ZNF415: variants seen among roughly 807,000 people sequenced by gnomAD.
ZNF415 encodes zinc finger protein 415.
Under a neutral mutation model 7.3 loss-of-function variants are expected in ZNF415, and 5 were observed. The ratio of observed to expected loss-of-function variants is 0.69; its 90% CI spans 0.36 to 1.44. The LOEUF is 1.44. Among genes scored for constraint, ZNF415 ranks in the 40% most tolerant of loss-of-function variants. The probability of loss-of-function intolerance (pLI) is 0.04; values close to 1 mark genes in which losing one functional copy is unlikely to be tolerated. For synonymous variants in ZNF415, 207 were observed against 226.3 expected (o/e 0.91, Z 0.77); for missense variants, 628 against 664.8 (o/e 0.94, Z 0.61).
intron 3 of ZNF415, among the ~76,000 whole-genome samples, chr19:53,112,270 C>T (rs1288016288): frequency 6.6e-6 from 1 of 152,050 alleles, no homozygotes; most frequent in Admixed American, 6.6e-5. Flanking sequence ...AGCACATGTC[C>T]ACCCACAGGC....
chr19:53,127,881 AAAAAAAAAG>A (rs1198529779), intron 1 of ZNF415, among the ~76,000 whole-genome samples: 6 of 149,730 alleles, frequency 4.0e-5, no homozygotes, highest in Non-Finnish European at 6.0e-5. Flanking sequence ...GTCTCAAAAA[AAAAAAAAAG>A]AAAAAGAAAA....
In ZNF415 at chr19:53,122,698, C is replaced by G; in HGVS notation, c.-22G>C. ...CCATTCCTGACTCCTTTGCTCTCCT[C>G]TTCTGGGTTTCTTCCTCATGTGCCA... On this transcript the variant is annotated 5_prime_UTR_variant, in exon 2 of 4. Transcript: ENST00000243643. 1 of 1,614,166 alleles carries G rather than the reference C, an allele frequency of 6.2e-7. No individual in the cohort carries two copies. The highest frequency in any genetic ancestry group is 8.5e-7 in the Non-Finnish European group (1 of 1,180,016).
In ZNF415 at chr19:53,108,519, G is replaced by C; in HGVS notation, c.1526C>G (p.Pro509Arg). Residue 509 changes from proline (P) to arginine (R), a missense_variant, in exon 4 of 4, where the codon CCA becomes CGA. Pro to Arg is a moderately radical substitution (Grantham distance 103). Coordinates refer to ENST00000243643, the MANE Select transcript of ZNF415 (RefSeq NM_018355.4). ...NECGKSFSVRPNLTRHQIIHT... is the reference protein window; with the variant it reads ...NECGKSFSVRRNLTRHQIIHT... ...GATTATCTGATGTCTAGTGAGGTTT[G>C]GGCGCACACTAAAGGATTTGCCACA... The C allele has an allele frequency of 6.2e-7, 1 of 1,614,100 alleles. No homozygotes were observed. Among genetic ancestry groups the C allele is most frequent in the Non-Finnish European group, 8.5e-7 (1 of 1,179,972 alleles).
chr19:53,109,119 A>C lies in ZNF415; in HGVS notation c.926T>G (p.Phe309Cys), dbSNP rs761939465. 16 of 1,613,936 alleles carry C rather than the reference A, an allele frequency of 9.9e-6. No homozygotes were observed. The African/African-American group carries it at 2.1e-4, about 22-fold the overall frequency. ...TAGTGCAAGGCATGAATTTCGACTG[A>C]AGACCTTGTCACACTCATAACATTT... ...PYKCYECDKV[F>C]SRNSCLALHQ... is the part of the protein sequence containing the mutation. Residue 309 changes from phenylalanine (F) to cysteine (C), a missense_variant, in exon 4 of 4, where the codon TTC (phenylalanine) becomes TGC (cysteine). Phe to Cys is a radical substitution (Grantham distance 205). Coordinates refer to ENST00000243643, the MANE Select transcript of ZNF415 (RefSeq NM_018355.4).
At chr19:53,132,309 C>A (rs1661930) in intron 1 of ZNF415, among the ~76,000 whole-genome samples, 3 of 151,924 alleles carry the variant, frequency 2.0e-5, no homozygotes, top group Admixed American at 1.3e-4. Flanking sequence ...GCATTTTCCA[C>A]GGGGTGGAGG....
intron 1 of ZNF415, among the ~76,000 whole-genome samples, chr19:53,123,272 C>G (rs998061164): frequency 1.3e-5 from 2 of 152,034 alleles, no homozygotes; most frequent in Non-Finnish European, 2.9e-5. Context: ...TGTGGTCAGC[C>G]CAGCATAGCC....
chr19:53,108,450 G>A lies in ZNF415; in HGVS notation c.1595C>T (p.Ser532Phe), dbSNP rs1046948554. ...KPYKCSDCGK[S>F]FSVRPNLFRH... ...GAAGAGGTTTGGGCGCACACTAAAGGACTTCCCACAATCACTACATTTGTA... is the reference window on the plus strand; with the variant it reads ...GAAGAGGTTTGGGCGCACACTAAAGAACTTCCCACAATCACTACATTTGTA... The change falls in exon 4 of 4, where the codon TCC (serine) becomes TTC (phenylalanine). Residue 532 changes from serine (S) to phenylalanine (F), a missense_variant. Ser to Phe is a radical substitution (Grantham distance 155, BLOSUM62 -2). Coordinates refer to ENST00000243643, the MANE Select transcript of ZNF415 (RefSeq NM_018355.4). The A allele has an allele frequency of 6.2e-7, 1 of 1,613,984 alleles. No individual in the cohort carries two copies. Among genetic ancestry groups the A allele is most frequent in the African/African-American group, 1.3e-5 (1 of 74,886 alleles).
rs114764480 is a variant in ZNF415, at chr19:53,126,111, C to T, written c.-67-3368G>A. On this transcript the variant is annotated intron_variant, in intron 1 of 3. Transcript: ENST00000243643. Reference sequence around the variant, plus strand: ...GGTGACACTAGTGCACCCTCTGGTACGGTGTTCACTTTGAGGGACTGATGT... The same window carrying T: ...GGTGACACTAGTGCACCCTCTGGTATGGTGTTCACTTTGAGGGACTGATGT... Among the ~76,000 whole-genome samples, 315 of 150,966 alleles carry T rather than the reference C, an allele frequency of 2.1e-3. 2 individuals carry two copies. Among genetic ancestry groups the T allele is most frequent in the African/African-American group, 7.4e-3 (304 of 41,034 alleles).
At chr19:53,129,763 C>T (rs913543713) in intron 1 of ZNF415, 18 of 395,088 alleles carry the variant, frequency 4.6e-5, no homozygotes, top group Non-Finnish European at 7.6e-5. Context: ...ATCACATCTC[C>T]CTTAGAAAAT....
Position 53,114,262 on chromosome 19 carries a change from C to T in ZNF415, c.136+2051G>A, listed in dbSNP as rs144388650. Among the ~76,000 whole-genome samples the T allele has an allele frequency of 1.3e-3, 193 of 152,172 alleles. 1 individual carries two copies. Among genetic ancestry groups the T allele is most frequent in the Middle Eastern group, 3.4e-3 (1 of 294 alleles). ...TGCCATCTCAGCTCACTGCAACCTC[C>T]GCCTCCTGGGGTCATGTGATTCTCC... On this transcript the variant is annotated intron_variant, in intron 3 of 3. Transcript: ENST00000243643.
intron 3 of ZNF415, among the ~76,000 whole-genome samples, chr19:53,111,048 A>G (rs1445085794): frequency 6.6e-6 from 1 of 152,216 alleles, no homozygotes; most frequent in Non-Finnish European, 1.5e-5. Flanking sequence ...TACGGTCTGA[A>G]TATGTTGGCC....
intron 3 of ZNF415, among the ~76,000 whole-genome samples, chr19:53,112,696 G>C (rs1236857690): frequency 6.6e-6 from 1 of 152,336 alleles, no homozygotes; most frequent in East Asian, 1.9e-4. Context: ...GGATAGGAGA[G>C]AGGAAGGGCA....
chr19:53,129,801 G>C (rs569838510), intron 1 of ZNF415: 1 of 390,512 alleles, frequency 2.6e-6, no homozygotes, highest in South Asian at 1.4e-4. Context: ...ATGTTGGCTC[G>C]TGCCTGTAAT....
intron 3 of ZNF415, among the ~76,000 whole-genome samples, chr19:53,112,944 G>A (rs1378431063): frequency 6.6e-6 from 1 of 152,052 alleles, no homozygotes; most frequent in Non-Finnish European, 1.5e-5. Flanking sequence ...AAATTAGCCA[G>A]GTGTGGTGGT....
At position 53,121,009 on chromosome 19, in the gene ZNF415, G is replaced by C. The variant is rs540377996; in HGVS notation, c.15+1653C>G. On this transcript the variant is annotated intron_variant, in intron 2 of 3. Coordinates refer to ENST00000243643, the MANE Select transcript of ZNF415 (RefSeq NM_018355.4). ...TGAGGCAGGAGAATTGCTTGAACCT[G>C]GGAGGCAGAGGTTGCAGTAAGCTGA... is the stretch of plus-strand genomic sequence containing the variant. Among the ~76,000 whole-genome samples the C allele has an allele frequency of 6.0e-4, 90 of 149,204 alleles. 1 individual carries two copies. Among genetic ancestry groups the C allele is most frequent in the African/African-American group, 2.2e-3 (89 of 40,504 alleles).
chr19:53,129,262 G>C (rs1224975363), intron 1 of ZNF415, among the ~76,000 whole-genome samples: 1 of 152,140 alleles, frequency 6.6e-6, no homozygotes, highest in African/African-American at 2.4e-5. Context: ...CACTGGCAGG[G>C]GCCCTGGACA....
intron 1 of ZNF415, among the ~76,000 whole-genome samples, chr19:53,131,543 T>TG (rs2090073269): frequency 6.6e-6 from 1 of 152,104 alleles, no homozygotes; most frequent in Admixed American, 6.6e-5. Flanking sequence ...CTCATTATGG[T>TG]GTGTTTCCCT....
Position 53,109,819 on chromosome 19 carries a change from G to A in ZNF415, c.226C>T (p.His76Tyr), listed in dbSNP as rs1342326598. 6.2e-7 allele frequency: 1 copy of A among 1,613,792 alleles called. No individual in the cohort carries two copies. Among genetic ancestry groups the A allele is most frequent in the East Asian group, 2.2e-5 (1 of 44,858 alleles). Residue 76 changes from histidine (H) to tyrosine (Y), a missense_variant, in exon 4 of 4, where the codon CAT (histidine) becomes TAT (tyrosine). Transcript: ENST00000243643. The stretch of plus-strand genomic sequence containing the variant: ...AACTCTTCAATGTCATGTTTTTCAT[G>A]TTGTTCCAATGTCACTGTGTGGAAT... The part of the protein sequence containing the change: ...EVFHTVTLEQ[H>Y]EKHDIEEFCF...
chr19:53,111,147 G>A (rs529995761), intron 3 of ZNF415, among the ~76,000 whole-genome samples: 1 of 152,228 alleles, frequency 6.6e-6, no homozygotes, highest in South Asian at 2.1e-4. Context: ...GGTTGGACTA[G>A]TCAAAAATAG....
Sources: allele counts gnomAD v4.1 joint callset (sites outside exome capture counted in the v4.1 genomes callset), GRCh38; gene constraint gnomAD v4.1.1; transcripts MANE v1.5; gene names NCBI Gene and HGNC (gene_info 2026-07-23, HGNC 2026-07-21).